NWD1: variants seen among roughly 807,000 people sequenced by gnomAD.
NWD1 encodes the protein NACHT and WD repeat domain containing 1, also known as NACHT domain- and WD repeat-containing protein 1.
Under a neutral mutation model 135.1 loss-of-function variants are expected in NWD1, and 129 were observed. The observed-to-expected ratio is 0.96, with a 90% CI of 0.83 to 1.11. The LOEUF (loss-of-function observed/expected upper bound fraction) is 1.11. Ranked by LOEUF, NWD1 falls within the 50% of genes least tolerant of loss-of-function variation. The pLI is 0.00. For missense variants in NWD1, 1,740 were observed against 1,851.3 expected, an observed-to-expected ratio of 0.94 and a Z score of 1.10; for synonymous variants, 773 against 786.0, an observed-to-expected ratio of 0.98 and a Z score of 0.28.
At chr19:16,783,180 T>C (rs1399499982) in intron 12 of NWD1, among the ~76,000 whole-genome samples, 1 of 151,596 alleles carries the variant, frequency 6.6e-6, no homozygotes, top group Admixed American at 6.6e-5. Context: ...CACAGGTGCA[T>C]GCCACCATGC....
At chr19:16,743,874 G>A (rs959281417) in intron 4 of NWD1, among the ~76,000 whole-genome samples, 2 of 151,826 alleles carry the variant, frequency 1.3e-5, no homozygotes, top group Non-Finnish European at 2.9e-5. Flanking sequence ...GTAGATATGG[G>A]ATTTCACTAT....
chr19:16,755,211 CT>C (rs1968742997), intron 6 of NWD1, among the ~76,000 whole-genome samples: 1 of 151,670 alleles, frequency 6.6e-6, no homozygotes, highest in Non-Finnish European at 1.5e-5. Context: ...TCATTAATAT[CT>C]CTCTCTCTCT....
At chr19:16,806,851 C>T (rs1036217305) in intron 17 of NWD1, among the ~76,000 whole-genome samples, 2 of 149,890 alleles carry the variant, frequency 1.3e-5, no homozygotes, top group Non-Finnish European at 3.0e-5. Flanking sequence ...CCCGTCTCTA[C>T]TAAAAATACA....
intron 14 of NWD1, among the ~76,000 whole-genome samples, chr19:16,792,309 G>A (rs1051065096): frequency 6.6e-6 from 1 of 151,692 alleles, no homozygotes; most frequent in African/African-American, 2.4e-5. Context: ...GGGAGGCTGA[G>A]GGGGGGTGGA....
chr19:16,736,837 T>C, intron 4 of NWD1, 87 bp downstream of exon 4: 1 of 813,364 alleles, frequency 1.2e-6, no homozygotes, highest in Admixed American at 2.0e-5. Flanking sequence ...CAGAGGGAAG[T>C]AGGTACCGTT....
Position 16,807,695 on chromosome 19 carries a change from C to T in NWD1, c.3846C>T (p.Phe1282=), listed in dbSNP as rs761897363. ...TGLVSGVVLV[F]PLNSRQDVIC... is the part of the protein sequence containing the mutation. ...TCGTGTCGGGGGTCGTCCTTGTGTT[C>T]CCCCTGAATTCCAGGCAGGACGTGA... Residue 1282 remains phenylalanine (F), a synonymous_variant, in exon 18 of 19, where the codon TTC becomes TTT. Coordinates refer to ENST00000524140, the MANE Select transcript of NWD1 (RefSeq NM_001007525.5). 2 of 1,612,632 alleles carry T rather than the reference C, an allele frequency of 1.2e-6. No individual in the cohort carries two copies. Among genetic ancestry groups the T allele is most frequent in the African/African-American group, 1.3e-5 (1 of 74,840 alleles).
chr19:16,791,251 C>A, intron 13 of NWD1, 99 bp from the exon 14 acceptor site: 3 of 1,052,120 alleles, frequency 2.9e-6, no homozygotes, highest in Non-Finnish European at 4.2e-6. Context: ...AAAGAAAATG[C>A]ATAAAGTATA....
chr19:16,736,370 CA>C, intron 3 of NWD1, among the ~76,000 whole-genome samples: 1 of 152,166 alleles, frequency 6.6e-6, no homozygotes, highest in South Asian at 2.1e-4. Flanking sequence ...GCTGGGACTA[CA>C]GGTGCCCACC....
intron 16 of NWD1, 98 bp from the exon 17 acceptor site, chr19:16,799,788 G>A (rs1169565583): frequency 1.2e-5 from 14 of 1,162,090 alleles, no homozygotes; most frequent in Admixed American, 2.5e-5. Context: ...GATTACAGGC[G>A]TGAGCCACCG....
chr19:16,728,346 G>A, intron 2 of NWD1, among the ~76,000 whole-genome samples: 1 of 144,650 alleles, frequency 6.9e-6, no homozygotes, highest in East Asian at 2.0e-4. Context: ...GTGCAGTGGT[G>A]CGATCTGGAC....
chr19:16,815,402 C>T lies in NWD1; in HGVS notation c.*363C>T. 3.2e-6 allele frequency: 2 copies of T among 632,986 alleles called. No homozygotes were observed. The highest frequency in any genetic ancestry group is 5.6e-6 in the Non-Finnish European group (2 of 354,056). The allele number at this position is 632,986 out of a possible 1,614,324, so 39.2% of individuals were successfully genotyped here. ...TTAGCCCCATTTAATCTAGTTAAAG[C>T]AAAAAGAATACGTTTGCTGGTGTAT... On this transcript the variant is annotated 3_prime_UTR_variant, in exon 19 of 19. Coordinates refer to ENST00000524140, the MANE Select transcript of NWD1 (RefSeq NM_001007525.5).
At chr19:16,806,349 G>A (rs1293605994) in intron 17 of NWD1, among the ~76,000 whole-genome samples, 1 of 152,154 alleles carries the variant, frequency 6.6e-6, no homozygotes, top group Admixed American at 6.6e-5. Flanking sequence ...GAAATGGCAG[G>A]GGGATGTGGC....
At chr19:16,767,982 CTTTTT>C (rs963453075) in intron 10 of NWD1, among the ~76,000 whole-genome samples, 40 of 83,596 alleles carry the variant, frequency 4.8e-4, no homozygotes, top group African/African-American at 1.9e-3. Context: ...AATTTCCTTC[CTTTTT>C]TTTTTTTTTT....
chr19:16,779,731 G>A (rs1280947350), intron 12 of NWD1, among the ~76,000 whole-genome samples: 2 of 152,074 alleles, frequency 1.3e-5, no homozygotes, highest in East Asian at 1.9e-4. Context: ...TCAAACTCCT[G>A]GGCCAAGTGA....
At chr19:16,809,886 A>T (rs1170307152) in intron 18 of NWD1, among the ~76,000 whole-genome samples, 3 of 151,940 alleles carry the variant, frequency 2.0e-5, no homozygotes, top group African/African-American at 4.8e-5. Context: ...TCCAACTGAT[A>T]CTTATTGAAA....
intron 17 of NWD1, 117 bp from the exon 18 acceptor site, chr19:16,807,469 G>T: frequency 1.3e-6 from 1 of 789,160 alleles, no homozygotes; most frequent in Non-Finnish European, 2.1e-6. Flanking sequence ...CTACAGCCTG[G>T]GCAACAGAGT....
At position 16,744,707 on chromosome 19, in the gene NWD1, A is replaced by G. The variant is rs1347287466; in HGVS notation, c.485A>G (p.Tyr162Cys). The G allele has an allele frequency of 1.3e-6, 2 of 1,535,724 alleles. No homozygotes were observed. The highest frequency in any genetic ancestry group is 1.7e-6 in the Non-Finnish European group (2 of 1,146,776). The change falls in exon 5 of 19, where the codon TAC (tyrosine) becomes TGC (cysteine). Residue 162 changes from tyrosine to cysteine, a missense_variant. By Grantham distance (194) the Tyr-to-Cys change is radical. Transcript: ENST00000524140. ...GLITQEQWQH[Y>C]HRSVIEWEIE... Reference sequence around the variant, plus strand: ...ATCACCCAGGAGCAGTGGCAGCACTACCACCGGTCAGGTGAGGCCGCAGGG... The same window carrying G: ...ATCACCCAGGAGCAGTGGCAGCACTGCCACCGGTCAGGTGAGGCCGCAGGG...
chr19:16,758,051 C>CAA (rs35974335), intron 6 of NWD1, among the ~76,000 whole-genome samples: 2,177 of 134,020 alleles, frequency 0.016, 57 homozygotes, highest in African/African-American at 0.049. Context: ...GACTCTGTCT[C>CAA]AAAAAAAAAA....
chr19:16,800,343 G>A (rs927683232), intron 17 of NWD1, among the ~76,000 whole-genome samples, 181 bp downstream of exon 17: 1 of 152,182 alleles, frequency 6.6e-6, no homozygotes, highest in Non-Finnish European at 1.5e-5. Flanking sequence ...AGACCAGCCT[G>A]GCCAACATGG....
Sources: allele counts gnomAD v4.1 joint callset (sites outside exome capture counted in the v4.1 genomes callset), GRCh38; gene constraint gnomAD v4.1.1; transcripts MANE v1.5; gene names NCBI Gene and HGNC (gene_info 2026-07-23, HGNC 2026-07-21).